GNG7: variants seen among roughly 807,000 people sequenced by gnomAD.
GNG7 encodes the protein guanine nucleotide-binding protein G(I)/G(S)/G(O) subunit gamma-7.
A neutral mutation model predicts 4.0 loss-of-function variants in GNG7; 1 was observed. That is an observed-to-expected ratio of 0.25 (90% CI 0.09 to 1.18). The LOEUF (loss-of-function observed/expected upper bound fraction) is 1.18. Ranked by LOEUF, GNG7 falls within the 50% of genes most tolerant of loss-of-function variation. The pLI is 0.50. For missense variants in GNG7, 86 were observed against 91.9 expected (o/e 0.94, Z 0.26); for synonymous variants, 34 against 36.9 (o/e 0.92, Z 0.29).
intron 2 of GNG7, among the ~76,000 whole-genome samples, chr19:2,639,140 G>A (rs752498320): frequency 1.3e-5 from 2 of 151,836 alleles, no homozygotes; most frequent in African/African-American, 4.8e-5. Flanking sequence ...AGGCTGAGGC[G>A]GGAGAATCGC....
Position 2,557,181 on chromosome 19 carries a change from CAA to C in GNG7, c.-77-1995_-77-1994del, listed in dbSNP as rs1334408409. ...AAAGACACGCGCACACACGTACACA[CAA>C]GACACGTGCACACACATTTGCATGC... is the stretch of plus-strand genomic sequence containing the variant. On this transcript the variant is annotated intron_variant, in intron 2 of 4. Transcript: ENST00000382159. This position sits in a 1 kb window ranked among gnomAD's most constrained non-coding sequence, Gnocchi z 5.1. Among the ~76,000 whole-genome samples, 7 of 151,912 alleles carry C rather than the reference CAA, an allele frequency of 4.6e-5. No homozygotes were observed. The highest frequency in any genetic ancestry group is 1.9e-4 in the East Asian group (1 of 5,192).
rs560594242 is a variant in GNG7, at chr19:2,531,766, G to A, written c.-37-11041C>T. 8.0e-4 allele frequency among the ~76,000 whole-genome samples: 90 copies of A among 112,734 alleles called. 1 individual carries two copies. In the South Asian group the frequency reaches 0.016, roughly 20 times the overall value. The allele number at this position is 112,734 out of a possible 152,430, so 74.0% of individuals were successfully genotyped here. A position where few individuals can be genotyped will look rare whatever the true frequency, so the allele number is the denominator to read the frequency against. On this transcript the variant is annotated intron_variant, in intron 3 of 4. Transcript: ENST00000382159. ...AGCCTGGGTAACAGAGCGAGACTCC[G>A]TCCCAAAAAAAAAAAAAAATGCACA... is the stretch of plus-strand genomic sequence containing the variant.
At chr19:2,685,979 C>T (rs1341130930) in intron 1 of GNG7, among the ~76,000 whole-genome samples, 1 of 152,124 alleles carries the variant, frequency 6.6e-6, no homozygotes, top group Non-Finnish European at 1.5e-5. Context: ...TTTCCAAGGA[C>T]ACTCCAACCC....
At chr19:2,694,862 G>C (rs1176088767) in intron 1 of GNG7, among the ~76,000 whole-genome samples, 1 of 151,924 alleles carries the variant, frequency 6.6e-6, no homozygotes, top group Non-Finnish European at 1.5e-5. Context: ...GTGGAGGCCA[G>C]GGACGCTGCT....
intron 2 of GNG7, among the ~76,000 whole-genome samples, chr19:2,566,846 T>G (rs2144775185): frequency 6.6e-6 from 1 of 152,260 alleles, no homozygotes; most frequent in East Asian, 1.9e-4. Context: ...CTCAAGCCTG[T>G]AATCCCAGCA....
intron 1 of GNG7, among the ~76,000 whole-genome samples, chr19:2,662,501 T>C (rs989944590): frequency 6.6e-6 from 1 of 152,038 alleles, no homozygotes; most frequent in African/African-American, 2.4e-5. Flanking sequence ...ACTGACCAGC[T>C]TGAAGTTAGG....
At chr19:2,532,150 CA>C (rs370353680) in intron 3 of GNG7, among the ~76,000 whole-genome samples, 3 of 28,794 alleles carry the variant, frequency 1.0e-4, no homozygotes, top group African/African-American at 1.6e-4. Flanking sequence ...GACTCCGTCT[CA>C]AAAAAAAAAA....
chr19:2,641,649 T>C (rs769927799), intron 2 of GNG7, among the ~76,000 whole-genome samples: 3 of 152,120 alleles, frequency 2.0e-5, no homozygotes, highest in Non-Finnish European at 4.4e-5. Context: ...AGGCCTATGT[T>C]AGACTTCTTT....
intron 2 of GNG7, among the ~76,000 whole-genome samples, chr19:2,575,897 GCAGGCACACGCAGGCATACACAGACACA>G (rs1473049391): frequency 6.1e-5 from 9 of 146,684 alleles, no homozygotes; most frequent in Non-Finnish European, 1.2e-4. Context: ...ACGCAGACAC[GCAGGCACACGCAGGCATACACAGACACA>G]CAGGCACATA....
chr19:2,520,576 C>A, intron 4 of GNG7, 32 bp downstream of exon 4: 1 of 1,327,986 alleles, frequency 7.5e-7, no homozygotes, highest in Non-Finnish European at 1.1e-6. Context: ...AAGGGTCTCT[C>A]CCCTCCTCTT....
chr19:2,565,461 G>A (rs976866869), intron 2 of GNG7, among the ~76,000 whole-genome samples: 9 of 151,082 alleles, frequency 6.0e-5, no homozygotes, highest in Non-Finnish European at 7.4e-5. Context: ...GCAGTGAGCC[G>A]AGATCGTGCC....
intron 2 of GNG7, among the ~76,000 whole-genome samples, chr19:2,565,333 A>C (rs1451279020): frequency 2.6e-5 from 4 of 152,100 alleles, no homozygotes; most frequent in Non-Finnish European, 4.4e-5. Flanking sequence ...AACATGGTGA[A>C]ACCCCGTCTC....
chr19:2,570,146 T>C (rs962632467), intron 2 of GNG7, among the ~76,000 whole-genome samples: 22 of 152,098 alleles, frequency 1.4e-4, no homozygotes, highest in Non-Finnish European at 3.2e-4. Context: ...AAAAAAAGCC[T>C]GGCACCTCCT....
At chr19:2,608,500 G>A (rs1981463733) in intron 2 of GNG7, among the ~76,000 whole-genome samples, 2 of 152,312 alleles carry the variant, frequency 1.3e-5, no homozygotes, top group South Asian at 4.2e-4. Flanking sequence ...CCAGGGACGG[G>A]CAGCAGGCTC....
chr19:2,519,139 CTTGT>C (rs1472574300), intron 4 of GNG7, among the ~76,000 whole-genome samples: 2 of 123,356 alleles, frequency 1.6e-5, no homozygotes, highest in Middle Eastern at 4.4e-3. Context: ...TTGTTTTTTT[CTTGT>C]TTCTTTTTTT....
intron 1 of GNG7, among the ~76,000 whole-genome samples, chr19:2,650,792 A>G (rs1982791921): frequency 6.6e-6 from 1 of 152,186 alleles, no homozygotes; most frequent in South Asian, 2.1e-4. Context: ...CTGTGTTTTC[A>G]TGTTCCCTGT....
chr19:2,689,870 T>C (rs1441167995), intron 1 of GNG7, among the ~76,000 whole-genome samples: 1 of 152,080 alleles, frequency 6.6e-6, no homozygotes, highest in African/African-American at 2.4e-5. Flanking sequence ...ACCCAGTGTT[T>C]TCAGCCTTGC....
At chr19:2,583,432 T>C (rs1458661941) in intron 2 of GNG7, among the ~76,000 whole-genome samples, 1 of 152,082 alleles carries the variant, frequency 6.6e-6, no homozygotes, top group South Asian at 2.1e-4. Flanking sequence ...TGGGGTGAGG[T>C]TGGGGAGGAC....
chr19:2,563,136 G>A (rs1159479885), intron 2 of GNG7, among the ~76,000 whole-genome samples: 1 of 151,866 alleles, frequency 6.6e-6, no homozygotes, highest in East Asian at 1.9e-4. Flanking sequence ...TTTTAGTAAA[G>A]ACGGGGTTTC....
Sources: allele counts gnomAD v4.1 joint callset (sites outside exome capture counted in the v4.1 genomes callset), GRCh38; gene constraint gnomAD v4.1.1; non-coding constraint Gnocchi (gnomAD v3.1); transcripts MANE v1.5; gene names NCBI Gene and HGNC (gene_info 2026-07-23, HGNC 2026-07-21).